The following PGK1 variants were observed in gnomAD, a reference collection of about 807,000 sequenced individuals.
PGK1 encodes the protein PRP 2.
Under a neutral mutation model 26.9 loss-of-function variants are expected in PGK1, and 3 were observed. That is an observed-to-expected ratio of 0.11 (90% CI 0.05 to 0.29). PGK1 has a LOEUF of 0.29. Among genes scored for constraint, PGK1 ranks in the 10% least tolerant of loss-of-function variants. PGK1 has a pLI of 1.00. For missense variants in PGK1, 270 were observed against 314.7 expected (o/e 0.86, Z 1.07); for synonymous variants, 125 against 115.3 (o/e 1.08, Z -0.54).
At chrX:78,108,094 T>G (rs2078280772) in intron 1 of PGK1, among the ~76,000 whole-genome samples, 1 of 111,586 alleles carries the variant, frequency 9.0e-6, no homozygotes, top group African/African-American at 3.3e-5. Context: ...GTGTAGGAGA[T>G]AAGGGGAGGT....
In PGK1 at chrX:78,127,326, T is replaced by C. The variant is rs2078387782; in HGVS notation, c.*1496T>C. The C allele has an allele frequency of 8.9e-6, 1 of 112,702 alleles. No individual in the cohort carries two copies. The highest frequency in any genetic ancestry group is 2.8e-4 in the East Asian group (1 of 3,616). 9.3% of individuals were successfully genotyped at this position (112,702 alleles called of 1,213,427 possible). On this transcript the variant is annotated 3_prime_UTR_variant, in exon 11 of 11. Transcript: ENST00000373316. ...CGAAGCCACTGTTTCATTGTCACTATTGAGAATCTAAATGGCCATTCGGAT... is the reference window on the plus strand; with the variant it reads ...CGAAGCCACTGTTTCATTGTCACTACTGAGAATCTAAATGGCCATTCGGAT...
rs1557248566 is a variant in PGK1, at chrX:78,125,376, A to G, written c.1164A>G (p.Lys388=). The G allele has an allele frequency of 8.3e-7, 1 of 1,209,348 alleles. No individual in the cohort carries two copies. The highest frequency in any genetic ancestry group is 3.0e-5 in the East Asian group (1 of 33,823). Residue 388 remains lysine (K), a synonymous_variant, in exon 10 of 11, where the codon AAA becomes AAG. Coordinates refer to ENST00000373316, the MANE Select transcript of PGK1 (RefSeq NM_000291.4). ...TCCAKWNTED[K]VSHVSTGGGA... ...GTGCCAAATGGAACACGGAGGATAA[A>G]GTCAGCCATGTGAGCACTGGGGGTG...
In PGK1 at chrX:78,109,991, A is replaced by C. The variant is rs1362104608; in HGVS notation, c.116+74A>C. 5.6e-5 allele frequency: 39 copies of C among 692,591 alleles called. No individual in the cohort carries two copies. In the Admixed American group the frequency reaches 8.7e-4, roughly 15 times the overall value. The allele number at this position is 692,591 out of a possible 1,213,427, so 57.1% of individuals were successfully genotyped here. A position where few individuals can be genotyped will look rare whatever the true frequency, so the allele number is the denominator to read the frequency against. The stretch of plus-strand genomic sequence containing the variant: ...CACAGGATGAAATGTTTTTCCTTTC[A>C]TATTGTATTATGGAACTGTAGCAAC... On this transcript the variant is annotated intron_variant, in intron 2 of 10. Coordinates refer to ENST00000373316, the MANE Select transcript of PGK1 (RefSeq NM_000291.4).
intron 4 of PGK1, among the ~76,000 whole-genome samples, chrX:78,114,833 A>C (rs1190928111): frequency 8.9e-6 from 1 of 112,833 alleles, no homozygotes; most frequent in Non-Finnish European, 1.9e-5. Context: ...ATTACTGTGA[A>C]CTGACAACCA....
At position 78,126,233 on chromosome X, in the gene PGK1, A is replaced by G; in HGVS notation, c.*403A>G. ...TGTAGGTAGTGAGACAAAATTGATG[A>G]TCCATTAAGTAAACAATAAAAGTGT... On this transcript the variant is annotated 3_prime_UTR_variant, in exon 11 of 11. Transcript: ENST00000373316. The G allele has an allele frequency of 5.9e-6, 1 of 168,198 alleles. No homozygotes were observed. Among genetic ancestry groups the G allele is most frequent in the Non-Finnish European group, 1.1e-5 (1 of 87,087 alleles). 13.9% of individuals were successfully genotyped at this position (168,198 alleles called of 1,213,427 possible).
chrX:78,113,351 G>A (rs1394959966), intron 2 of PGK1, among the ~76,000 whole-genome samples: 6 of 111,851 alleles, frequency 5.4e-5, no homozygotes, highest in African/African-American at 1.9e-4. Flanking sequence ...GAGTGGGGCA[G>A]GTGTTCAGCA....
Position 78,124,053 on chromosome X carries a change from A to G in PGK1, c.936+679A>G, listed in dbSNP as rs1012825790. Reference sequence around the variant, plus strand: ...GAAAGCTATATAAGAAAACTTTCTCATATGAAAAAATTAAGTATACTGATT... The same window carrying G: ...GAAAGCTATATAAGAAAACTTTCTCGTATGAAAAAATTAAGTATACTGATT... On this transcript the variant is annotated intron_variant, in intron 8 of 10. Transcript: ENST00000373316. Among the ~76,000 whole-genome samples the G allele has an allele frequency of 1.3e-4, 15 of 111,851 alleles. No individual in the cohort carries two copies. The Middle Eastern group carries it at 0.018, about 137-fold the overall frequency.
chrX:78,122,467 A>G (rs2078360895), intron 6 of PGK1, among the ~76,000 whole-genome samples: 1 of 102,715 alleles, frequency 9.7e-6, no homozygotes, highest in African/African-American at 3.7e-5. Context: ...GAATGTGCAA[A>G]ATAGATGTGG....
rs782708002 is a variant in PGK1, at chrX:78,114,156, A to T, written c.413A>T (p.Asn138Ile). 10 of 1,207,445 alleles carry T rather than the reference A, an allele frequency of 8.3e-6. No homozygotes were observed. The East Asian group carries it at 3.0e-4, about 36-fold the overall frequency. Residue 138 changes from asparagine to isoleucine, a missense_variant, in exon 4 of 11, where the codon AAC (asparagine) becomes ATC (isoleucine). Coordinates refer to ENST00000373316, the MANE Select transcript of PGK1 (RefSeq NM_000291.4). ...GGGAAGGGAAAAGATGCTTCTGGGA[A>T]CAAGGTAGGACCTGTGATTTTGACA... ...EEGKGKDASG[N>I]KVKAEPAKIE...
At chrX:78,119,655 C>T (rs2078344149) in intron 6 of PGK1, among the ~76,000 whole-genome samples, 1 of 111,587 alleles carries the variant, frequency 9.0e-6, no homozygotes, top group African/African-American at 3.3e-5. Flanking sequence ...GGGCGGTTCA[C>T]CCCATACTGT....
Position 78,124,909 on chromosome X carries a change from T to A in PGK1, c.972T>A (p.Tyr324Ter), listed in dbSNP as rs1557248471. The stretch of plus-strand genomic sequence containing the variant: ...GTGGTCCTGAAAGCAGCAAGAAGTA[T>A]GCTGAGGCTGTCACTCGGGCTAAGC... ...LDCGPESSKKYAEAVTRAKQI... is the reference protein window; with the variant it reads ...LDCGPESSKK Residue 324 changes from tyrosine (Y) to a stop codon, truncating the protein, a stop_gained, in exon 9 of 11, where the codon TAT becomes TAA. Coordinates refer to ENST00000373316, the MANE Select transcript of PGK1 (RefSeq NM_000291.4). LOFTEE classifies it high-confidence loss of function. 8.3e-7 allele frequency: 1 copy of A among 1,209,522 alleles called. No individual in the cohort carries two copies. The highest frequency in any genetic ancestry group is 1.1e-6 in the Non-Finnish European group (1 of 894,590).
At chrX:78,107,402 C>T in intron 1 of PGK1, among the ~76,000 whole-genome samples, 1 of 111,363 alleles carries the variant, frequency 9.0e-6, no homozygotes, top group East Asian at 2.8e-4. Context: ...ATAACCACCC[C>T]CCTTCCTGAC....
chrX:78,127,980 C>T lies in PGK1; in HGVS notation c.*2150C>T, dbSNP rs1238952559. 8.9e-6 allele frequency: 1 copy of T among 111,985 alleles called. No individual in the cohort carries two copies. The highest frequency in any genetic ancestry group is 2.8e-4 in the East Asian group (1 of 3,588). The allele number at this position is 111,985 out of a possible 1,213,427, so 9.2% of individuals were successfully genotyped here. A position where few individuals can be genotyped will look rare whatever the true frequency, so the allele number is the denominator to read the frequency against. On this transcript the variant is annotated 3_prime_UTR_variant, in exon 11 of 11. Coordinates refer to ENST00000373316, the MANE Select transcript of PGK1 (RefSeq NM_000291.4). Reference sequence around the variant, plus strand: ...ACCCAGCACCTAGACTCTACAATTGCCAACATTATCTATCCAACAATCTCT... The same window carrying T: ...ACCCAGCACCTAGACTCTACAATTGTCAACATTATCTATCCAACAATCTCT...
At chrX:78,119,006 C>T (rs980673085) in intron 6 of PGK1, among the ~76,000 whole-genome samples, 35 of 111,686 alleles carry the variant, frequency 3.1e-4, no homozygotes, top group African/African-American at 1.1e-3. Flanking sequence ...TAGAAGATGG[C>T]TCTGCAGGGA....
chrX:78,119,670 G>C (rs374077588), intron 6 of PGK1, among the ~76,000 whole-genome samples: 26 of 111,730 alleles, frequency 2.3e-4, no homozygotes, highest in African/African-American at 8.5e-4. Context: ...TACTGTTCTT[G>C]TGATAGTGTT....
chrX:78,115,644 A>G (rs1306832763), intron 4 of PGK1, among the ~76,000 whole-genome samples: 1 of 111,506 alleles, frequency 9.0e-6, no homozygotes, highest in Non-Finnish European at 1.9e-5. Context: ...ACAGAGCAAG[A>G]CTCTGTCTCA....
rs1557248861 is a variant in PGK1, at chrX:78,127,825, T to C, written c.*1995T>C. 1 of 112,695 alleles carries C rather than the reference T, an allele frequency of 8.9e-6. No homozygotes were observed. The highest frequency in any genetic ancestry group is 3.2e-5 in the African/African-American group (1 of 31,048). The allele number at this position is 112,695 out of a possible 1,213,427, so 9.3% of individuals were successfully genotyped here. ...GTAGTTAATTTTAAATTGTACCATG[T>C]TTCTGCATACCTCTATGGGTACTCA... is the stretch of plus-strand genomic sequence containing the variant. On this transcript the variant is annotated 3_prime_UTR_variant, in exon 11 of 11. Coordinates refer to ENST00000373316, the MANE Select transcript of PGK1 (RefSeq NM_000291.4).
Position 78,104,330 on chromosome X carries a change from G to A in PGK1, c.-11G>A, listed in dbSNP as rs782752618. On this transcript the variant is annotated 5_prime_UTR_variant, in exon 1 of 11. Transcript: ENST00000373316. Reference sequence around the variant, plus strand: ...GAATCACCGACCTCTCTCCCCAGCTGTATTTCCAAAATGTCGCTTTCTAAC... The same window carrying A: ...GAATCACCGACCTCTCTCCCCAGCTATATTTCCAAAATGTCGCTTTCTAAC... 10 of 1,189,884 alleles carry A rather than the reference G, an allele frequency of 8.4e-6. No homozygotes were observed. In the Admixed American group the frequency reaches 2.2e-4, roughly 26 times the overall value.
intron 7 of PGK1, 93 bp downstream of exon 7, chrX:78,123,042 C>T (rs782673900): frequency 1.4e-6 from 1 of 717,542 alleles, no homozygotes; most frequent in African/African-American, 2.1e-5. Context: ...TTGACATGAG[C>T]CCTGAAAATT....
Sources: allele counts gnomAD v4.1 joint callset (sites outside exome capture counted in the v4.1 genomes callset), GRCh38; gene constraint gnomAD v4.1.1; transcripts MANE v1.5; gene names NCBI Gene and HGNC (gene_info 2026-07-23, HGNC 2026-07-21).